Variants in BCAS1 observed in about 807,000 individuals in gnomAD.
The protein encoded by BCAS1 is breast carcinoma-amplified sequence 1.
In BCAS1, 46 loss-of-function variants were observed where a neutral mutation model predicts 65.4. That is an observed-to-expected ratio of 0.70 (90% CI 0.55 to 0.90). The LOEUF is 0.90. Among genes scored for constraint, BCAS1 ranks in the 40% least tolerant of loss-of-function variants. BCAS1 has a pLI of 0.00. For synonymous variants in BCAS1, 298 were observed against 293.5 expected, an observed-to-expected ratio of 1.02 and a Z score of -0.16; for missense variants, 793 against 771.2, an observed-to-expected ratio of 1.03 and a Z score of -0.33.
chr20:54,063,334 T>C (rs2146358357), intron 1 of BCAS1, among the ~76,000 whole-genome samples: 1 of 152,296 alleles, frequency 6.6e-6, no homozygotes, highest in East Asian at 1.9e-4. Context: ...AACCAGTGAA[T>C]ATAAGCAAAG....
At chr20:54,057,438 G>A (rs1274805305) in intron 3 of BCAS1, among the ~76,000 whole-genome samples, 1 of 152,170 alleles carries the variant, frequency 6.6e-6, no homozygotes, top group African/African-American at 2.4e-5. Flanking sequence ...CTTGTTCCAG[G>A]TCACACAGCC....
intron 3 of BCAS1, among the ~76,000 whole-genome samples, chr20:54,049,006 G>GTA (rs1342577545): frequency 2.0e-5 from 3 of 152,330 alleles, no homozygotes; most frequent in South Asian, 2.1e-4. Context: ...GAGAACACAT[G>GTA]TATTTGCTCC....
chr20:54,012,660 A>G (rs907829333), intron 4 of BCAS1, among the ~76,000 whole-genome samples: 8 of 152,188 alleles, frequency 5.3e-5, no homozygotes, highest in African/African-American at 1.9e-4. Flanking sequence ...TAATGACAAA[A>G]TAAGTGTCCA....
At chr20:53,959,541 A>T (rs901010200) in intron 10 of BCAS1, among the ~76,000 whole-genome samples, 4 of 152,176 alleles carry the variant, frequency 2.6e-5, no homozygotes, top group African/African-American at 9.7e-5. Flanking sequence ...GGCGTGAGCC[A>T]CTGTGCTTGG....
intron 1 of BCAS1, among the ~76,000 whole-genome samples, chr20:54,059,795 C>A (rs745878191): frequency 6.6e-6 from 1 of 152,118 alleles, no homozygotes; most frequent in Non-Finnish European, 1.5e-5. Context: ...CTAAACATAT[C>A]GAAACAGAAA....
At position 53,953,462 on chromosome 20, in the gene BCAS1, C is replaced by T. The variant is rs1361989347; in HGVS notation, c.1785G>A (p.Gln595=). The change falls in exon 12 of 13, where the codon CAG becomes CAA. Residue 595 remains glutamine, a synonymous_variant. Coordinates refer to ENST00000688948, the MANE Select transcript of BCAS1 (RefSeq NM_001366298.2). ...CTTTAAAGAAGCCCCCAAGGGACTG[C>T]TGCCGCTTCTCAGGTCTCTTTTGGA... ...DKLQKRPEKR[Q]QSLGGFFKGL... is the part of the protein sequence containing the mutation. 4 of 1,614,012 alleles carry T rather than the reference C, an allele frequency of 2.5e-6. No individual in the cohort carries two copies. The highest frequency in any genetic ancestry group is 3.4e-6 in the Non-Finnish European group (4 of 1,180,044).
chr20:53,957,326 T>C (rs750151908), intron 11 of BCAS1, 106 bp downstream of exon 11: 13 of 1,022,860 alleles, frequency 1.3e-5, no homozygotes, highest in Non-Finnish European at 1.8e-5. Flanking sequence ...AATCCTGAGA[T>C]ATTAAATGAG....
intron 3 of BCAS1, among the ~76,000 whole-genome samples, chr20:54,040,566 T>A (rs560431321): frequency 1.3e-5 from 2 of 151,244 alleles, no homozygotes; most frequent in Non-Finnish European, 3.0e-5. Context: ...GGAGCAGATA[T>A]ACTAATGGCC....
At chr20:53,992,669 A>G (rs935034372) in intron 6 of BCAS1, 23 bp from the exon 7 acceptor site, 5 of 1,363,598 alleles carry the variant, frequency 3.7e-6, no homozygotes, top group Non-Finnish European at 4.9e-6. Context: ...AGCAGTCACA[A>G]CCTCAGAACT....
rs371941849 is a variant in BCAS1, at chr20:54,066,271, C to A, written c.-6+4162G>T. On this transcript the variant is annotated intron_variant, in intron 1 of 12. Transcript: ENST00000688948. The stretch of plus-strand genomic sequence containing the variant: ...GTATTTTTGGTAGAGACGGGGTTTC[C>A]CCGTGTTAGCCAGGATGGTCTCGAT... Among the ~76,000 whole-genome samples, 446 of 152,230 alleles carry A rather than the reference C, an allele frequency of 2.9e-3. 1 individual carries two copies. The highest frequency in any genetic ancestry group is 8.0e-3 in the African/African-American group (331 of 41,542).
At chr20:54,037,487 A>G (rs1157971849) in intron 3 of BCAS1, among the ~76,000 whole-genome samples, 1 of 151,492 alleles carries the variant, frequency 6.6e-6, no homozygotes, top group Non-Finnish European at 1.5e-5. Flanking sequence ...CTGTAAAAAC[A>G]ATAGCTAACA....
chr20:54,032,511 T>C (rs1277500432), intron 3 of BCAS1, among the ~76,000 whole-genome samples: 4 of 151,188 alleles, frequency 2.6e-5, no homozygotes, highest in African/African-American at 9.7e-5. Flanking sequence ...AATGATCCCA[T>C]TAAAAGACAT....
intron 3 of BCAS1, among the ~76,000 whole-genome samples, chr20:54,045,506 A>C (rs1270213324): frequency 1.3e-5 from 2 of 152,210 alleles, no homozygotes; most frequent in Admixed American, 1.3e-4. Flanking sequence ...TAAAGACCAG[A>C]CCTGAAGAAT....
intron 3 of BCAS1, among the ~76,000 whole-genome samples, chr20:54,047,315 T>C (rs997314116): frequency 3.9e-5 from 6 of 152,220 alleles, no homozygotes; most frequent in Non-Finnish European, 8.8e-5. Flanking sequence ...CTACATACTG[T>C]TGGTTATATA....
chr20:54,037,793 C>A (rs1600954625), intron 3 of BCAS1, among the ~76,000 whole-genome samples: 1 of 150,804 alleles, frequency 6.6e-6, no homozygotes, highest in African/African-American at 2.4e-5. Context: ...AAACTCCCAA[C>A]AACATGTGGT....
At chr20:54,062,470 A>G (rs460536) in intron 1 of BCAS1, among the ~76,000 whole-genome samples, 96,197 of 152,122 alleles carry the variant, frequency 0.63, 31,206 homozygotes, top group African/African-American at 0.76. Context: ...ATACACATGC[A>G]AGAATATATA....
intron 11 of BCAS1, among the ~76,000 whole-genome samples, chr20:53,954,045 T>C (rs915808825): frequency 1.3e-5 from 2 of 152,172 alleles, no homozygotes; most frequent in Admixed American, 1.3e-4. Context: ...GACAAGAGCA[T>C]GTGACTTAGG....
At chr20:53,975,454 TGA>T (rs1387607192) in intron 8 of BCAS1, 24 bp from the exon 9 acceptor site, 4 of 1,607,456 alleles carry the variant, frequency 2.5e-6, no homozygotes, top group Non-Finnish European at 3.4e-6. Flanking sequence ...AAAACAAAAG[TGA>T]GAGTTAAAAG....
intron 7 of BCAS1, among the ~76,000 whole-genome samples, chr20:53,987,593 T>C (rs1306741015): frequency 1.3e-5 from 2 of 152,170 alleles, no homozygotes; most frequent in Non-Finnish European, 2.9e-5. Flanking sequence ...CTATGAGCCA[T>C]GATATGTACT....
Sources: gnomAD v4.1 joint callset for allele counts (sites outside exome capture counted in the v4.1 genomes callset) on GRCh38, gnomAD v4.1.1 for gene constraint, MANE v1.5 for transcripts, NCBI Gene and HGNC (gene_info 2026-07-23, HGNC 2026-07-21) for gene names.